Variants in DGKH observed in about 807,000 individuals in gnomAD.
DGKH encodes the protein diacylglycerol kinase eta.
In DGKH, 90 loss-of-function variants were observed where a neutral mutation model predicts 159.3. That is an observed-to-expected ratio of 0.57 (90% CI 0.48 to 0.67). The LOEUF is 0.67. Ranked by LOEUF, DGKH falls within the 30% of genes least tolerant of loss-of-function variation. The pLI, the probability that DGKH is intolerant of heterozygous loss-of-function variation, is 0.00. For missense variants in DGKH, 1,181 were observed against 1,506.1 expected (o/e 0.78, Z 3.57); for synonymous variants, 536 against 553.8 (o/e 0.97, Z 0.45).
chr13:42,087,326 A>C (rs577935723), intron 1 of DGKH, among the ~76,000 whole-genome samples: 1 of 152,184 alleles, frequency 6.6e-6, no homozygotes, highest in Non-Finnish European at 1.5e-5. Flanking sequence ...ACAAAGCCTG[A>C]CAATATTTAA....
intron 3 of DGKH, among the ~76,000 whole-genome samples, chr13:42,148,390 A>G (rs1038744065): frequency 5.3e-5 from 8 of 152,336 alleles, no homozygotes; most frequent in Non-Finnish European, 1.0e-4. Context: ...ACAATGAGTT[A>G]GCAAGTCCCA....
At chr13:42,062,416 T>C (rs1882246912) in intron 1 of DGKH, among the ~76,000 whole-genome samples, 1 of 152,126 alleles carries the variant, frequency 6.6e-6, no homozygotes, top group Admixed American at 6.5e-5. Flanking sequence ...AAGGCTAATA[T>C]ATAGAGTGAG....
At chr13:42,081,047 T>C (rs547432827) in intron 1 of DGKH, among the ~76,000 whole-genome samples, 1 of 152,312 alleles carries the variant, frequency 6.6e-6, no homozygotes, top group South Asian at 2.1e-4. Context: ...AAATGAAAGC[T>C]TGGATTATTC....
chr13:42,223,272 C>T (rs1473438795), intron 29 of DGKH, among the ~76,000 whole-genome samples: 6 of 152,032 alleles, frequency 3.9e-5, no homozygotes, highest in South Asian at 2.1e-4. Context: ...TCACTCACTC[C>T]TTAGGTACTC....
intron 29 of DGKH, among the ~76,000 whole-genome samples, chr13:42,250,154 A>G (rs867414439): frequency 7.9e-5 from 12 of 151,886 alleles, no homozygotes; most frequent in Non-Finnish European, 5.9e-5. Context: ...TGTTTTTAGT[A>G]GAGATGGGGC....
At chr13:42,152,433 G>GTA (rs372520521) in intron 3 of DGKH, among the ~76,000 whole-genome samples, 274 of 147,122 alleles carry the variant, frequency 1.9e-3, no homozygotes, top group East Asian at 7.2e-3. Context: ...TTATATATGT[G>GTA]TATATATATA....
At chr13:42,090,833 G>A (rs1470511757) in intron 1 of DGKH, among the ~76,000 whole-genome samples, 2 of 152,120 alleles carry the variant, frequency 1.3e-5, no homozygotes, top group African/African-American at 4.8e-5. Flanking sequence ...TGGGGACAGA[G>A]CCCCCATGGA....
intron 29 of DGKH, among the ~76,000 whole-genome samples, chr13:42,226,872 T>C (rs557177924): frequency 1.5e-4 from 21 of 137,088 alleles, no homozygotes; most frequent in South Asian, 1.1e-3. Context: ...AAAAAAAAAA[T>C]AGTAGACTGG....
At chr13:42,215,868 GTGGAGA>G (rs1232651810) in intron 26 of DGKH, among the ~76,000 whole-genome samples, 7 of 152,222 alleles carry the variant, frequency 4.6e-5, no homozygotes, top group Non-Finnish European at 8.8e-5. Flanking sequence ...GCTAACAGGA[GTGGAGA>G]TTTCCCCTCA....
At chr13:42,128,792 G>A (rs868159374) in intron 2 of DGKH, among the ~76,000 whole-genome samples, 2 of 152,112 alleles carry the variant, frequency 1.3e-5, no homozygotes, top group East Asian at 1.9e-4. Flanking sequence ...TCCAGTCAAC[G>A]AACAAGTCTT....
rs760625960 is a variant in DGKH at position 42,155,388 on chromosome 13, C to G, written c.482C>G (p.Pro161Arg). ...SSLKSVQTREPYEVAQFNVEH... is the reference protein window; with the variant it reads ...SSLKSVQTRERYEVAQFNVEH... Reference sequence around the variant, plus strand: ...CTGAAGTCTGTACAGACCAGAGAACCCTACGAGGTAAAATAGCATCTTTTC... The same window carrying G: ...CTGAAGTCTGTACAGACCAGAGAACGCTACGAGGTAAAATAGCATCTTTTC... The change falls in exon 4 of 30, where the codon CCC becomes CGC. Residue 161 changes from proline (P) to arginine (R), a missense_variant. Pro to Arg is a moderately radical substitution (Grantham distance 103, BLOSUM62 -2). Around this residue, in one of 5 missense-constraint regions of DGKH, gnomAD observed 369 missense variants for 519.4 expected, o/e 0.71. Coordinates refer to ENST00000337343, the MANE Select transcript of DGKH (RefSeq NM_178009.5). 1.2e-6 allele frequency: 2 copies of G among 1,608,200 alleles called. No individual in the cohort carries two copies. The highest frequency in any genetic ancestry group is 1.7e-5 in the Admixed American group (1 of 58,244).
At chr13:42,216,463 G>C (rs1369755871) in intron 26 of DGKH, 4 of 152,114 alleles carry the variant, frequency 2.6e-5, no homozygotes, top group East Asian at 1.9e-4. Context: ...TTTCTCACTT[G>C]GTTGGGCAAA....
chr13:42,159,342 C>T lies in DGKH; in HGVS notation c.699C>T (p.Ile233=), dbSNP rs373750070. ...NNCKWTTLAS[I]GKDIIEDEDG... ...GTAAATGGACTACCCTGGCCTCCATCGGGAAGGACATTATAGAAGATGAAG... is the reference window on the plus strand; with the variant it reads ...GTAAATGGACTACCCTGGCCTCCATTGGGAAGGACATTATAGAAGATGAAG... The change falls in exon 6 of 30, where the codon ATC becomes ATT. Residue 233 remains isoleucine, a synonymous_variant. Coordinates refer to ENST00000337343, the MANE Select transcript of DGKH (RefSeq NM_178009.5). 1.7e-5 allele frequency: 27 copies of T among 1,593,100 alleles called. No individual in the cohort carries two copies. In the South Asian group the frequency reaches 2.0e-4, roughly 12 times the overall value.
chr13:42,065,433 A>G (rs1444578496), intron 1 of DGKH, among the ~76,000 whole-genome samples: 3 of 152,184 alleles, frequency 2.0e-5, no homozygotes, highest in African/African-American at 7.2e-5. Flanking sequence ...CCGTTTGAGT[A>G]TTTGTGGTCT....
At chr13:42,249,819 A>C (rs1958607857) in intron 29 of DGKH, among the ~76,000 whole-genome samples, 1 of 151,044 alleles carries the variant, frequency 6.6e-6, no homozygotes, top group South Asian at 2.1e-4. Context: ...TTCAGGAACC[A>C]CCCTGGACCT....
chr13:42,169,714 G>A (rs1956399467), intron 11 of DGKH, among the ~76,000 whole-genome samples: 1 of 152,134 alleles, frequency 6.6e-6, no homozygotes, highest in African/African-American at 2.4e-5. Flanking sequence ...CTAATTAATT[G>A]TAACCTTGCC....
In DGKH at chr13:42,230,077, TG is replaced by T. The variant is rs1442771535; in HGVS notation, c.*890del. ...CTCTGGATATTTTCATAAAATTACA[TG>T]CTCCCTTACCTGACAAAACTTGTTA... On this transcript the variant is annotated 3_prime_UTR_variant, in exon 30 of 30. Coordinates refer to ENST00000337343, the MANE Select transcript of DGKH (RefSeq NM_178009.5). 1.3e-5 allele frequency: 2 copies of T among 152,198 alleles called. No individual in the cohort carries two copies. Among genetic ancestry groups the T allele is most frequent in the Non-Finnish European group, 2.9e-5 (2 of 68,026 alleles). The allele number at this position is 152,198 out of a possible 1,614,324, so 9.4% of individuals were successfully genotyped here.
intron 12 of DGKH, among the ~76,000 whole-genome samples, chr13:42,176,689 A>G (rs1956612743): frequency 6.6e-6 from 1 of 152,214 alleles, no homozygotes; most frequent in African/African-American, 2.4e-5. Flanking sequence ...TGAATCTTCA[A>G]ATAAGTCTGA....
chr13:42,177,412 A>G (rs1306441065), intron 12 of DGKH, among the ~76,000 whole-genome samples: 1 of 152,132 alleles, frequency 6.6e-6, no homozygotes, highest in Non-Finnish European at 1.5e-5. Flanking sequence ...ATACACTGCA[A>G]TTTGTCATCT....
Sources: allele counts gnomAD v4.1 joint callset (sites outside exome capture counted in the v4.1 genomes callset), GRCh38; gene constraint gnomAD v4.1.1; regional missense constraint gnomAD v4.1.1; transcripts MANE v1.5; gene names NCBI Gene and HGNC (gene_info 2026-07-23, HGNC 2026-07-21).